PLAC1: variants seen among roughly 807,000 people sequenced by gnomAD.
PLAC1 encodes the protein placenta-specific protein 1.
For missense variants in PLAC1, 136 were observed against 163.2 expected (o/e 0.83, Z 0.91); for synonymous variants, 68 against 62.1 (o/e 1.09, Z -0.44).
At chrX:134,752,005 C>T (rs1444936446) in intron 1 of PLAC1, among the ~76,000 whole-genome samples, 1 of 112,059 alleles carries the variant, frequency 8.9e-6, no homozygotes, top group East Asian at 2.8e-4. Context: ...ACTGTCAGGG[C>T]CAACTCTGTA....
intron 1 of PLAC1, among the ~76,000 whole-genome samples, chrX:134,615,714 T>C (rs1163650131): frequency 8.9e-6 from 1 of 111,753 alleles, no homozygotes; most frequent in Non-Finnish European, 1.9e-5. Context: ...TGGTTTCAGG[T>C]CTTATATGTA....
intron 1 of PLAC1, among the ~76,000 whole-genome samples, chrX:134,754,981 A>G (rs2078753131): frequency 9.0e-6 from 1 of 111,498 alleles, no homozygotes; most frequent in Non-Finnish European, 1.9e-5. Flanking sequence ...AAATAATTAT[A>G]GAAACATAAG....
intron 1 of PLAC1, among the ~76,000 whole-genome samples, chrX:134,759,339 G>C (rs755042072): frequency 9.1e-6 from 1 of 110,454 alleles, no homozygotes; most frequent in African/African-American, 3.3e-5. Flanking sequence ...TTAGTAGAGA[G>C]AGGGTTTCAG....
At chrX:134,728,096 G>A (rs1008959051) in intron 2 of PLAC1, among the ~76,000 whole-genome samples, 2 of 111,763 alleles carry the variant, frequency 1.8e-5, no homozygotes, top group African/African-American at 6.5e-5. Context: ...GTGAGAAACA[G>A]AAAGAAAAAC....
intron 2 of PLAC1, among the ~76,000 whole-genome samples, chrX:134,569,996 A>ATTTTTTTTTTTT (rs1569373206): frequency 2.7e-5 from 3 of 109,794 alleles, no homozygotes; most frequent in African/African-American, 1.0e-4. Context: ...TGCCCTGCTA[A>ATTTTTTTTTTTT]TTTTTGTATT....
chrX:134,645,907 G>A (rs767969660), intron 1 of PLAC1, among the ~76,000 whole-genome samples: 1 of 111,513 alleles, frequency 9.0e-6, no homozygotes, highest in Non-Finnish European at 1.9e-5. Context: ...GCATAGCTTA[G>A]GTCAATGTTG....
Position 134,729,373 on chromosome X carries a change from T to C in PLAC1, n.174+4062A>G, listed in dbSNP as rs1246076413. On this transcript the variant is annotated intron_variant and non_coding_transcript_variant, in intron 2 of 2. Transcript: ENST00000466797. ...ACCCACCTAAGAACCCTGTGAATTA[T>C]GTACTATACTTATCTTGTTTTATAG... is the stretch of plus-strand genomic sequence containing the variant. 2.7e-5 allele frequency among the ~76,000 whole-genome samples: 3 copies of C among 112,168 alleles called. No homozygotes were observed. The Admixed American group carries it at 2.8e-4, about 11-fold the overall frequency.
chrX:134,617,693 A>T (rs2060540439), intron 1 of PLAC1, among the ~76,000 whole-genome samples: 2 of 111,969 alleles, frequency 1.8e-5, no homozygotes, highest in African/African-American at 6.5e-5. Context: ...TGGTCATGAT[A>T]TATAATCTTT....
intron 2 of PLAC1, among the ~76,000 whole-genome samples, chrX:134,677,826 T>G (rs1347175621): frequency 8.9e-6 from 1 of 111,800 alleles, no homozygotes; most frequent in African/African-American, 3.3e-5. Context: ...AGGCAAGGGT[T>G]GAAGCAGGGA....
At chrX:134,653,122 G>T (rs921873183) in intron 1 of PLAC1, among the ~76,000 whole-genome samples, 1 of 112,582 alleles carries the variant, frequency 8.9e-6, no homozygotes, top group Non-Finnish European at 1.9e-5. Flanking sequence ...TGCCTGTGGG[G>T]CCATATATGA....
chrX:134,762,821 CAAAAAAAAAAA>C (rs60721487), intron 1 of PLAC1, among the ~76,000 whole-genome samples: 7 of 14,822 alleles, frequency 4.7e-4, no homozygotes, highest in South Asian at 7.8e-3. Context: ...GGCTCTATCT[CAAAAAAAAAAA>C]AAAAAAAAAA....
At chrX:134,587,448 G>T (rs1012857662) in intron 2 of PLAC1, among the ~76,000 whole-genome samples, 1 of 110,797 alleles carries the variant, frequency 9.0e-6, no homozygotes, top group Non-Finnish European at 1.9e-5. Flanking sequence ...GGTCATGGTT[G>T]TTGGCACCTA....
intron 2 of PLAC1, among the ~76,000 whole-genome samples, chrX:134,699,173 C>T (rs754643692): frequency 1.8e-5 from 2 of 111,965 alleles, no homozygotes; most frequent in Admixed American, 9.6e-5. Context: ...CTCCAAAATT[C>T]GTGCAGGAAC....
chrX:134,678,104 C>T (rs774513538), intron 2 of PLAC1, among the ~76,000 whole-genome samples: 1 of 111,478 alleles, frequency 9.0e-6, no homozygotes, highest in Non-Finnish European at 1.9e-5. Flanking sequence ...TGCTGCTATG[C>T]CTCCTTCTCC....
At chrX:134,599,878 C>T (rs182270378) in intron 2 of PLAC1, among the ~76,000 whole-genome samples, 212 of 111,410 alleles carry the variant, frequency 1.9e-3, no homozygotes, top group Middle Eastern at 4.7e-3. Context: ...TATCTTAAAG[C>T]CATTGGATTT....
intron 2 of PLAC1, among the ~76,000 whole-genome samples, chrX:134,718,757 T>G (rs1003629998): frequency 1.8e-5 from 2 of 111,812 alleles, no homozygotes; most frequent in Admixed American, 9.5e-5. Flanking sequence ...AGACAAATGT[T>G]TATATTTTGC....
chrX:134,728,862 T>C (rs1205349544), intron 2 of PLAC1, among the ~76,000 whole-genome samples: 2 of 112,083 alleles, frequency 1.8e-5, no homozygotes, highest in Non-Finnish European at 3.8e-5. Flanking sequence ...GTAATTATGA[T>C]GCACATTTTT....
chrX:134,755,760 G>T (rs1166955537), intron 1 of PLAC1, among the ~76,000 whole-genome samples: 1 of 105,626 alleles, frequency 9.5e-6, no homozygotes, highest in Non-Finnish European at 1.9e-5. Flanking sequence ...GATTTAAAAA[G>T]TTCTTTATAT....
At chrX:134,751,185 G>T (rs1001704453) in intron 1 of PLAC1, among the ~76,000 whole-genome samples, 1 of 105,052 alleles carries the variant, frequency 9.5e-6, no homozygotes, top group Non-Finnish European at 1.9e-5. Context: ...TAAAAATGAA[G>T]TTTCTTGATT....
Sources: allele counts gnomAD v4.1 joint callset (sites outside exome capture counted in the v4.1 genomes callset), GRCh38; gene constraint gnomAD v4.1.1; transcripts MANE v1.5; gene names NCBI Gene and HGNC (gene_info 2026-07-23, HGNC 2026-07-21).